HGSNAT: variants seen among roughly 807,000 people sequenced by gnomAD.
HGSNAT encodes the protein transmembrane protein 76.
A neutral mutation model predicts 85.2 loss-of-function variants in HGSNAT; 59 were observed. The observed-to-expected ratio is 0.69, with a 90% CI of 0.56 to 0.86. HGSNAT has a LOEUF of 0.86. Among genes scored for constraint, HGSNAT ranks in the 40% least tolerant of loss-of-function variants. The probability of loss-of-function intolerance (pLI) is 0.00; values close to 1 mark genes in which losing one functional copy is unlikely to be tolerated. For synonymous variants in HGSNAT, 321 were observed against 304.5 expected (o/e 1.05, Z -0.56); for missense variants, 756 against 777.1 (o/e 0.97, Z 0.32).
At chr8:43,176,538 T>C (rs1462994980) in intron 9 of HGSNAT, among the ~76,000 whole-genome samples, 1 of 152,248 alleles carries the variant, frequency 6.6e-6, no homozygotes. Flanking sequence ...GGGTCTTTTG[T>C]GGTTCCATAT....
At chr8:43,173,354 G>T (rs1305835654) in intron 8 of HGSNAT, among the ~76,000 whole-genome samples, 1 of 150,998 alleles carries the variant, frequency 6.6e-6, no homozygotes, top group Non-Finnish European at 1.5e-5. Context: ...TTGTCACCCA[G>T]GCTGGAGTGC....
chr8:43,165,848 A>C (rs979832333), intron 5 of HGSNAT, among the ~76,000 whole-genome samples: 9 of 152,222 alleles, frequency 5.9e-5, no homozygotes, highest in Admixed American at 2.6e-4. Flanking sequence ...AGGCAGGAGA[A>C]TTGCTTGAAC....
chr8:43,197,625 T>G, intron 15 of HGSNAT, 47 bp from the exon 16 acceptor site: 33 of 1,395,144 alleles, frequency 2.4e-5, no homozygotes, highest in Non-Finnish European at 3.2e-5. Context: ...AAGTGTTTTC[T>G]GAGATAATAA....
At chr8:43,160,140 CAG>C (rs1803225501) in intron 4 of HGSNAT, among the ~76,000 whole-genome samples, 1 of 152,208 alleles carries the variant, frequency 6.6e-6, no homozygotes, top group African/African-American at 2.4e-5. Flanking sequence ...TATAGGTAAT[CAG>C]GGCACCTGAT....
chr8:43,192,325 C>T lies in HGSNAT; in HGVS notation c.1272C>T (p.Gly424=), dbSNP rs147251143. Residue 424 remains glycine, a synonymous_variant, in exon 13 of 18, where the codon GGC becomes GGT. Transcript: ENST00000379644. ...GCPTGYLGPG[G]IGDFGKYPNC... is the part of the protein sequence containing the mutation. The stretch of plus-strand genomic sequence containing the variant: ...CTAGTGGTTATCTTGGTCCTGGGGG[C>T]ATTGGAGATTTTGGCAAGTATCCAA... 616 of 1,609,344 alleles carry T rather than the reference C, an allele frequency of 3.8e-4. 4 individuals carry two copies. The East Asian group carries it at 0.012, about 30-fold the overall frequency.
chr8:43,179,257 C>A (rs1179419309), intron 10 of HGSNAT, among the ~76,000 whole-genome samples: 1 of 151,804 alleles, frequency 6.6e-6, no homozygotes, highest in Non-Finnish European at 1.5e-5. Context: ...CCCCACCACC[C>A]TCCCGGACGG....
rs766281423 is a variant in HGSNAT, at chr8:43,178,025, G to T, written c.852-49G>T. Reference sequence around the variant, plus strand: ...TATTATAAAATGTTACTGATATATAGACAAAAAATTTGGAAATGGCCACCT... The same window carrying T: ...TATTATAAAATGTTACTGATATATATACAAAAAATTTGGAAATGGCCACCT... On this transcript the variant is annotated intron_variant, in intron 9 of 17. Coordinates refer to ENST00000379644, the MANE Select transcript of HGSNAT (RefSeq NM_152419.3). 94 of 1,491,088 alleles carry T rather than the reference G, an allele frequency of 6.3e-5. No individual in the cohort carries two copies. The Middle Eastern group carries it at 1.2e-3, about 19-fold the overall frequency. The allele number at this position is 1,491,088 out of a possible 1,614,324, so 92.4% of individuals were successfully genotyped here.
chr8:43,197,360 G>A, intron 15 of HGSNAT: 1 of 529,248 alleles, frequency 1.9e-6, no homozygotes. Context: ...AGATTATATG[G>A]GAAAGAGAGT....
At chr8:43,193,044 A>G (rs73675465) in intron 13 of HGSNAT, among the ~76,000 whole-genome samples, 3,502 of 152,292 alleles carry the variant, frequency 0.023, 125 homozygotes, top group African/African-American at 0.078. Flanking sequence ...AATTGTTCTG[A>G]ATTGAGGCAA....
chr8:43,149,083 T>C (rs1366102651), intron 2 of HGSNAT, among the ~76,000 whole-genome samples: 1 of 151,564 alleles, frequency 6.6e-6, no homozygotes, highest in Non-Finnish European at 1.5e-5. Flanking sequence ...GCCACTGCAC[T>C]CCAGCCTGGG....
Position 43,170,594 on chromosome 8 carries a change from T to G in HGSNAT, c.643T>G (p.Ser215Ala). 6.2e-7 allele frequency: 1 copy of G among 1,606,352 alleles called. No individual in the cohort carries two copies. The highest frequency in any genetic ancestry group is 8.5e-7 in the Non-Finnish European group (1 of 1,176,094). Residue 215 changes from serine (S) to alanine (A), a missense_variant, in exon 7 of 18, where the codon TCT becomes GCT. Physicochemically the swap from Ser to Ala is moderately conservative, Grantham distance 99. Transcript: ENST00000379644. The part of the protein sequence containing the change: ...TDRLINSELG[S>A]PSRTDPLDGD... Reference sequence around the variant, plus strand: ...CCCTTTTTTTCTGAAGGAGCTGGGATCTCCCAGCAGGACAGACCCTCTCGA... The same window carrying G: ...CCCTTTTTTTCTGAAGGAGCTGGGAGCTCCCAGCAGGACAGACCCTCTCGA...
intron 2 of HGSNAT, among the ~76,000 whole-genome samples, chr8:43,153,617 A>G (rs1027583277): frequency 2.0e-5 from 3 of 152,156 alleles, no homozygotes; most frequent in Non-Finnish European, 4.4e-5. Flanking sequence ...TATACATTAC[A>G]TTATTGTTAA....
Position 43,140,549 on chromosome 8 carries a change from T to C in HGSNAT, c.53T>C (p.Leu18Pro). Residue 18 changes from leucine to proline, a missense_variant, in exon 1 of 18, where the codon CTG becomes CCG. Physicochemically the swap from Leu to Pro is moderately conservative, Grantham distance 98 (BLOSUM62 -3). Coordinates refer to ENST00000379644, the MANE Select transcript of HGSNAT (RefSeq NM_152419.3). Reference protein sequence around the residue: ...LAALLLAASVLSAALLAPGGS... With the variant: ...LAALLLAASVPSAALLAPGGS... Reference sequence around the variant, plus strand: ...GCGCTGCTGCTGGCCGCGTCCGTGCTGAGCGCCGCGCTGCTGGCCCCCGGC... The same window carrying C: ...GCGCTGCTGCTGGCCGCGTCCGTGCCGAGCGCCGCGCTGCTGGCCCCCGGC... 1 of 1,181,128 alleles carries C rather than the reference T, an allele frequency of 8.5e-7. No individual in the cohort carries two copies. Among genetic ancestry groups the C allele is most frequent in the Non-Finnish European group, 1.0e-6 (1 of 954,778 alleles). 73.2% of individuals were successfully genotyped at this position (1,181,128 alleles called of 1,614,324 possible).
At chr8:43,190,512 C>T (rs1343058876) in intron 11 of HGSNAT, among the ~76,000 whole-genome samples, 5 of 152,226 alleles carry the variant, frequency 3.3e-5, no homozygotes, top group South Asian at 2.1e-4. Flanking sequence ...ACAGGCGAGA[C>T]GTGCCTGAGT....
rs771455190 is a variant in HGSNAT at position 43,192,400 on chromosome 8, CG to C, written c.1348del (p.Asp450IlefsTer32). 4.3e-6 allele frequency: 7 copies of C among 1,613,126 alleles called. No homozygotes were observed. The African/African-American group carries it at 8.0e-5, about 18-fold the overall frequency. The part of the protein sequence containing the change: ...GYIDRLLLGD[D>X]HLYQHPSSAV... ...ACATCGACCGCCTGCTGCTGGGAGACGATCACCTTTACCAGCACCCATCTTC... is the reference window on the plus strand; with the variant it reads ...ACATCGACCGCCTGCTGCTGGGAGACATCACCTTTACCAGCACCCATCTTC... On this transcript the variant is annotated frameshift_variant, in exon 13 of 18. Transcript: ENST00000379644. LOFTEE classifies it high-confidence loss of function.
intron 1 of HGSNAT, among the ~76,000 whole-genome samples, chr8:43,144,504 A>G (rs1201228975): frequency 6.6e-6 from 1 of 152,000 alleles, no homozygotes; most frequent in African/African-American, 2.4e-5. Context: ...CATGAGGCAC[A>G]TACTCTTATG....
rs763777880 is a variant in HGSNAT, at chr8:43,159,004, T to C, written c.453T>C (p.Cys151=). Residue 151 remains cysteine (C), a synonymous_variant, in exon 4 of 18, where the codon TGT becomes TGC. Transcript: ENST00000379644. ...ATAATGGAGTTAGTGAAATTGCCTG[T>C]GACCTGGCTGTGAACGAGGATCCAG... ...NIHNGVSEIA[C]DLAVNEDPVD... 24 of 1,613,704 alleles carry C rather than the reference T, an allele frequency of 1.5e-5. No individual in the cohort carries two copies. Among genetic ancestry groups the C allele is most frequent in the Non-Finnish European group, 1.9e-5 (23 of 1,179,766 alleles).
chr8:43,191,391 C>T lies in HGSNAT; in HGVS notation c.1129-83C>T, dbSNP rs780895315. ...CCAAAAAGGCCAAGAAATGAGTCAC[C>T]GGGAATTTCCTAAAGACATGTGCTT... On this transcript the variant is annotated intron_variant, in intron 11 of 17. Coordinates refer to ENST00000379644, the MANE Select transcript of HGSNAT (RefSeq NM_152419.3). The T allele has an allele frequency of 8.2e-5, 125 of 1,523,246 alleles. 1 individual carries two copies. The highest frequency in any genetic ancestry group is 1.0e-4 in the Non-Finnish European group (115 of 1,118,834). 94.4% of individuals were successfully genotyped at this position (1,523,246 alleles called of 1,614,324 possible).
At chr8:43,173,951 C>T (rs950068444) in intron 9 of HGSNAT, 5 of 467,034 alleles carry the variant, frequency 1.1e-5, no homozygotes, top group African/African-American at 2.0e-5. Flanking sequence ...CGCGGTGGCT[C>T]ACGCCTGTAA....
Sources: allele counts gnomAD v4.1 joint callset (sites outside exome capture counted in the v4.1 genomes callset), GRCh38; gene constraint gnomAD v4.1.1; transcripts MANE v1.5; gene names NCBI Gene and HGNC (gene_info 2026-07-23, HGNC 2026-07-21).